Variants in SNRNP48 observed in about 807,000 individuals in gnomAD.
SNRNP48 encodes the protein U11/U12 small nuclear ribonucleoprotein 48 kDa protein.
A neutral mutation model predicts 47.0 loss-of-function variants in SNRNP48; 43 were observed. The ratio of observed to expected loss-of-function variants is 0.92; its 90% confidence interval spans 0.72 to 1.18. The LOEUF (loss-of-function observed/expected upper bound fraction) is 1.18. SNRNP48 is among the 50% of genes most tolerant of loss of function. SNRNP48 has a pLI of 0.00. For synonymous variants in SNRNP48, 138 were observed against 144.0 expected, an observed-to-expected ratio of 0.96 and a Z score of 0.30; for missense variants, 396 against 422.2, an observed-to-expected ratio of 0.94 and a Z score of 0.54.
chr6:7,592,457 A>T (rs1291069459), intron 1 of SNRNP48, among the ~76,000 whole-genome samples: 1 of 151,912 alleles, frequency 6.6e-6, no homozygotes, highest in Non-Finnish European at 1.5e-5. Flanking sequence ...TTTACCTTTT[A>T]ATAAAATAAT....
chr6:7,608,963 G>A lies in SNRNP48; in HGVS notation c.*90G>A. ...TTGGAATTCCTTTGCATAGGAGAAT[G>A]TTTTTATGATCTGTTTAGTGCTTAT... On this transcript the variant is annotated 3_prime_UTR_variant, in exon 9 of 9. Coordinates refer to ENST00000342415, the MANE Select transcript of SNRNP48 (RefSeq NM_152551.4). The A allele has an allele frequency of 1.5e-6, 1 of 678,946 alleles. No homozygotes were observed. Among genetic ancestry groups the A allele is most frequent in the Non-Finnish European group, 2.3e-6 (1 of 438,884 alleles). 42.1% of individuals were successfully genotyped at this position (678,946 alleles called of 1,614,324 possible). A position where few individuals can be genotyped will look rare whatever the true frequency, so the allele number is the denominator to read the frequency against.
chr6:7,598,067 C>T (rs1204857617), intron 4 of SNRNP48, among the ~76,000 whole-genome samples: 1 of 151,532 alleles, frequency 6.6e-6, no homozygotes, highest in Non-Finnish European at 1.5e-5. Context: ...CGGGGTTTCA[C>T]TGTGTTAGCC....
At chr6:7,591,655 C>T (rs1266872324) in intron 1 of SNRNP48, among the ~76,000 whole-genome samples, 2 of 152,174 alleles carry the variant, frequency 1.3e-5, no homozygotes, top group African/African-American at 4.8e-5. Context: ...ATTGCGGTAA[C>T]ATTGGATTCC....
At chr6:7,598,905 TAAAC>T (rs1759959659) in intron 4 of SNRNP48, among the ~76,000 whole-genome samples, 1 of 152,236 alleles carries the variant, frequency 6.6e-6, no homozygotes, top group Admixed American at 6.5e-5. Context: ...ATTTCAATCA[TAAAC>T]AATCATTTTA....
At chr6:7,608,706 A>G in intron 8 of SNRNP48, 119 bp from the exon 9 acceptor site, 1 of 394,884 alleles carries the variant, frequency 2.5e-6, no homozygotes, top group Non-Finnish European at 4.6e-6. Flanking sequence ...CTTTTCAAAT[A>G]GAATGTTAAA....
intron 4 of SNRNP48, among the ~76,000 whole-genome samples, chr6:7,595,311 A>C (rs995399829): frequency 1.3e-5 from 2 of 152,198 alleles, no homozygotes; most frequent in South Asian, 2.1e-4. Flanking sequence ...CTAAGACACT[A>C]TCTTAGCTAG....
chr6:7,599,980 T>C, intron 4 of SNRNP48: 1 of 988,644 alleles, frequency 1.0e-6, no homozygotes, highest in East Asian at 8.8e-5. Context: ...TTGTTTGTAA[T>C]ACATCATTAT....
chr6:7,603,624 G>A (rs561578482), intron 6 of SNRNP48, among the ~76,000 whole-genome samples: 7 of 152,192 alleles, frequency 4.6e-5, no homozygotes, highest in African/African-American at 1.7e-4. Flanking sequence ...TTTAAATCTT[G>A]TTGAGTTTAA....
Position 7,607,032 on chromosome 6 carries a change from G to A in SNRNP48, c.971+837G>A, listed in dbSNP as rs371727240. On this transcript the variant is annotated intron_variant, in intron 8 of 8. Transcript: ENST00000342415. ...AATAGTCACCTCATAGAACTCTTCC[G>A]TGGCGGTCTGGCATGGTGGCTCATG... Among the ~76,000 whole-genome samples, 6 of 152,230 alleles carry A rather than the reference G, an allele frequency of 3.9e-5. No individual in the cohort carries two copies. In the East Asian group the frequency reaches 7.7e-4, roughly 20 times the overall value.
At chr6:7,606,256 T>A in intron 8 of SNRNP48, 61 bp downstream of exon 8, 1 of 1,472,768 alleles carries the variant, frequency 6.8e-7, no homozygotes, top group East Asian at 2.4e-5. Context: ...TAGAACAGGT[T>A]CTTCTGTTGT....
chr6:7,596,546 CT>C (rs1213617125), intron 4 of SNRNP48, among the ~76,000 whole-genome samples: 2 of 152,150 alleles, frequency 1.3e-5, no homozygotes, highest in African/African-American at 4.8e-5. Context: ...AGTATCTGGA[CT>C]TGATTTCTCA....
chr6:7,590,345 G>A lies in SNRNP48; in HGVS notation c.88G>A (p.Glu30Lys), dbSNP rs1441953201. ...CGTGGAGAGCGGCTGCCGGACGTTG[G>A]AGGAGGTGACCGCGTCCCTGGGCTG... Reference protein sequence around the residue: ...EFVESGCRTLEEVTASLGWDL... With the variant: ...EFVESGCRTLKEVTASLGWDL... The change falls in exon 1 of 9, where the codon GAG becomes AAG. Residue 30 changes from glutamate (E) to lysine (K), a missense_variant. By Grantham distance (56) the Glu-to-Lys change is moderately conservative. Transcript: ENST00000342415. 1 of 1,398,492 alleles carries A rather than the reference G, an allele frequency of 7.2e-7. No homozygotes were observed. Among genetic ancestry groups the A allele is most frequent in the African/African-American group, 1.5e-5 (1 of 68,400 alleles). 86.6% of individuals were successfully genotyped at this position (1,398,492 alleles called of 1,614,324 possible).
At chr6:7,598,824 G>GCT (rs1759958179) in intron 4 of SNRNP48, among the ~76,000 whole-genome samples, 1 of 152,128 alleles carries the variant, frequency 6.6e-6, no homozygotes, top group Non-Finnish European at 1.5e-5. Flanking sequence ...CTTTATGAAA[G>GCT]CTCATACAGC....
At chr6:7,606,458 A>T (rs1561715881) in intron 8 of SNRNP48, among the ~76,000 whole-genome samples, 1 of 152,202 alleles carries the variant, frequency 6.6e-6, no homozygotes, top group Non-Finnish European at 1.5e-5. Flanking sequence ...AACAGGACAT[A>T]TGAAAGTATT....
intron 3 of SNRNP48, among the ~76,000 whole-genome samples, chr6:7,594,799 G>A (rs541026362): frequency 1.3e-5 from 2 of 152,288 alleles, no homozygotes; most frequent in Admixed American, 6.5e-5. Flanking sequence ...CTACTGCTGC[G>A]TGCCTAATTA....
chr6:7,590,478 G>C, intron 1 of SNRNP48, 65 bp downstream of exon 1: 1 of 1,252,100 alleles, frequency 8.0e-7, no homozygotes, highest in Middle Eastern at 2.2e-4. Context: ...TGGAAGAAGG[G>C]AGATCCGCAC....
chr6:7,601,960 T>A (rs1760031529), intron 5 of SNRNP48, among the ~76,000 whole-genome samples: 1 of 152,050 alleles, frequency 6.6e-6, no homozygotes, highest in Non-Finnish European at 1.5e-5. Flanking sequence ...CTGAAGCAAT[T>A]CTCGTGCCTC....
At chr6:7,607,455 T>C (rs1034647881) in intron 8 of SNRNP48, among the ~76,000 whole-genome samples, 3 of 152,262 alleles carry the variant, frequency 2.0e-5, no homozygotes, top group Non-Finnish European at 2.9e-5. Context: ...CTAGCCAGCC[T>C]GAGTTACTTA....
At position 7,605,926 on chromosome 6, in the gene SNRNP48, CA is replaced by C. The variant is rs1236219971; in HGVS notation, c.807-104del. On this transcript the variant is annotated intron_variant, in intron 7 of 8. Transcript: ENST00000342415. Reference sequence around the variant, plus strand: ...TTGTGCATATTTAGACCATATCTACCATTGGTTTGATATAGAATATTACACT... The same window carrying C: ...TTGTGCATATTTAGACCATATCTACCTTGGTTTGATATAGAATATTACACT... 1.6e-5 allele frequency: 18 copies of C among 1,161,290 alleles called. No individual in the cohort carries two copies. The Admixed American group carries it at 2.8e-4, about 18-fold the overall frequency. The allele number at this position is 1,161,290 out of a possible 1,614,324, so 71.9% of individuals were successfully genotyped here.
Sources: gnomAD v4.1 joint callset for allele counts (sites outside exome capture counted in the v4.1 genomes callset) on GRCh38, gnomAD v4.1.1 for gene constraint, MANE v1.5 for transcripts, NCBI Gene and HGNC (gene_info 2026-07-23, HGNC 2026-07-21) for gene names.